GALNT17: variants seen among roughly 807,000 people sequenced by gnomAD.
The protein encoded by GALNT17 is UDP-GalNAc:polypeptide N-acetylgalactosaminyltransferase-like 3.
In GALNT17, 29 loss-of-function variants were observed where a neutral mutation model predicts 63.7. The observed-to-expected ratio is 0.46, with a 90% CI of 0.34 to 0.62. The LOEUF is 0.62. Ranked by LOEUF, GALNT17 falls within the 20% of genes least tolerant of loss-of-function variation. GALNT17 has a pLI of 0.01. For synonymous variants in GALNT17, 305 were observed against 318.3 expected (o/e 0.96, Z 0.45); for missense variants, 603 against 799.6 (o/e 0.75, Z 2.97).
At chr7:71,190,857 C>T (rs1215400369) in intron 1 of GALNT17, among the ~76,000 whole-genome samples, 1 of 152,026 alleles carries the variant, frequency 6.6e-6, no homozygotes, top group Non-Finnish European at 1.5e-5. Context: ...TCTCAAACTC[C>T]TGGGCTCAAA....
intron 6 of GALNT17, among the ~76,000 whole-genome samples, chr7:71,592,544 A>AATAAAATAAAATAGCATAGC (rs11267770): frequency 0.27 from 30,442 of 114,364 alleles, 5,117 homozygotes; most frequent in South Asian, 0.41. Context: ...AATAAAATAA[A>AATAAAATAAAATAGCATAGC]ATAGCATAGC....
At chr7:71,356,929 G>T (rs1010045864) in intron 2 of GALNT17, among the ~76,000 whole-genome samples, 1 of 151,912 alleles carries the variant, frequency 6.6e-6, no homozygotes, top group South Asian at 2.1e-4. Context: ...TTACAGGCAC[G>T]CACCACCATG....
intron 1 of GALNT17, among the ~76,000 whole-genome samples, chr7:71,297,238 C>T (rs1313500467): frequency 6.6e-6 from 1 of 152,122 alleles, no homozygotes; most frequent in Admixed American, 6.5e-5. Context: ...CAAAGCTGAT[C>T]TCATACACCA....
chr7:71,177,334 C>T (rs987823338), intron 1 of GALNT17, among the ~76,000 whole-genome samples: 11 of 152,062 alleles, frequency 7.2e-5, no homozygotes, highest in African/African-American at 1.2e-4. Flanking sequence ...GCCTGCTCCC[C>T]GGGAACCCCA....
At chr7:71,589,540 C>A (rs1789767976) in intron 6 of GALNT17, among the ~76,000 whole-genome samples, 1 of 151,904 alleles carries the variant, frequency 6.6e-6, no homozygotes, top group East Asian at 1.9e-4. Context: ...ACACTACACT[C>A]CAGCTTGGGT....
At chr7:71,254,806 C>T (rs534829337) in intron 1 of GALNT17, among the ~76,000 whole-genome samples, 2 of 152,300 alleles carry the variant, frequency 1.3e-5, no homozygotes, top group African/African-American at 4.8e-5. Flanking sequence ...CTCCAAGTCA[C>T]CCAGCAAGCT....
chr7:71,168,477 C>T (rs1045164423), intron 1 of GALNT17, among the ~76,000 whole-genome samples: 1 of 151,908 alleles, frequency 6.6e-6, no homozygotes, highest in African/African-American at 2.4e-5. Context: ...GAGGCTGAGG[C>T]AGGAGAATCT....
At chr7:71,184,917 ACCCT>A (rs1332817811) in intron 1 of GALNT17, among the ~76,000 whole-genome samples, 13 of 47,474 alleles carry the variant, frequency 2.7e-4, no homozygotes, top group African/African-American at 8.7e-4. Flanking sequence ...TCTCTAACCC[ACCCT>A]CCCTCCCTCC....
intron 6 of GALNT17, among the ~76,000 whole-genome samples, chr7:71,632,505 G>T (rs189694930): frequency 7.9e-5 from 12 of 152,296 alleles, no homozygotes; most frequent in Admixed American, 7.8e-4. Flanking sequence ...TGAGTAGAGT[G>T]ATATCTACGA....
At chr7:71,619,311 T>G (rs1367513932) in intron 6 of GALNT17, among the ~76,000 whole-genome samples, 2 of 152,248 alleles carry the variant, frequency 1.3e-5, no homozygotes, top group African/African-American at 4.8e-5. Flanking sequence ...TAGAATAGTT[T>G]ATTCTGATTC....
At chr7:71,581,600 G>T (rs919188437) in intron 6 of GALNT17, among the ~76,000 whole-genome samples, 1 of 152,114 alleles carries the variant, frequency 6.6e-6, no homozygotes, top group African/African-American at 2.4e-5. Flanking sequence ...TACAATTCAC[G>T]ATGGGATTTG....
chr7:71,712,378 G>T lies in GALNT17; in HGVS notation c.*232G>T. On this transcript the variant is annotated 3_prime_UTR_variant, in exon 11 of 11. Coordinates refer to ENST00000333538, the MANE Select transcript of GALNT17 (RefSeq NM_022479.3). ...TGGAAAAGCCCCCCACCCTTCCTCTGGGAAACTGACAGCTGTCTTCCACAG... is the reference window on the plus strand; with the variant it reads ...TGGAAAAGCCCCCCACCCTTCCTCTTGGAAACTGACAGCTGTCTTCCACAG... 2.4e-6 allele frequency: 1 copy of T among 416,418 alleles called. No individual in the cohort carries two copies. Among genetic ancestry groups the T allele is most frequent in the Admixed American group, 4.2e-5 (1 of 24,068 alleles). 25.8% of individuals were successfully genotyped at this position (416,418 alleles called of 1,614,324 possible).
At chr7:71,603,086 G>GTACTATGCTAAGTGCATATACCAGA (rs1273827554) in intron 6 of GALNT17, among the ~76,000 whole-genome samples, 161 of 150,276 alleles carry the variant, frequency 1.1e-3, no homozygotes, top group Middle Eastern at 0.011. Context: ...CATACACCAG[G>GTACTATGCTAAGTGCATATACCAGA]TACTATGCTA....
intron 6 of GALNT17, among the ~76,000 whole-genome samples, chr7:71,627,760 A>T (rs1025603520): frequency 1.2e-4 from 18 of 152,184 alleles, no homozygotes; most frequent in African/African-American, 4.1e-4. Flanking sequence ...TAACATGTAT[A>T]TTGCAACGCT....
chr7:71,295,591 A>ACCTT (rs891953572), intron 1 of GALNT17, among the ~76,000 whole-genome samples: 2 of 118,880 alleles, frequency 1.7e-5, no homozygotes, highest in African/African-American at 3.3e-5. Context: ...CTTCCTTCCT[A>ACCTT]CCTTCCTTCC....
chr7:71,680,956 A>G (rs1027438268), intron 9 of GALNT17, among the ~76,000 whole-genome samples: 1 of 148,414 alleles, frequency 6.7e-6, no homozygotes, highest in Non-Finnish European at 1.5e-5. Context: ...CTGGAGTGCA[A>G]TGGTGTGATC....
At chr7:71,197,964 G>C (rs1202651) in intron 1 of GALNT17, among the ~76,000 whole-genome samples, 19,819 of 151,976 alleles carry the variant, frequency 0.13, 1,407 homozygotes, top group East Asian at 0.24. Context: ...TTGGGAGGCC[G>C]AGGTGGGCGG....
At position 71,155,023 on chromosome 7, in the gene GALNT17, G is replaced by C. The variant is rs539839559; in HGVS notation, c.238+21983G>C. On this transcript the variant is annotated intron_variant, in intron 1 of 10. Coordinates refer to ENST00000333538, the MANE Select transcript of GALNT17 (RefSeq NM_022479.3). ...CTGTGATAACAGCCTGACTATTGCA[G>C]TGGGGGTTAGGTTGGCTAAGAATTT... Among the ~76,000 whole-genome samples the C allele has an allele frequency of 3.0e-4, 45 of 152,006 alleles. 1 individual carries two copies. In the South Asian group the frequency reaches 9.3e-3, roughly 31 times the overall value.
At chr7:71,421,365 T>C (rs1786662491) in intron 5 of GALNT17, among the ~76,000 whole-genome samples, 1 of 152,222 alleles carries the variant, frequency 6.6e-6, no homozygotes, top group African/African-American at 2.4e-5. Context: ...TGTTCACACT[T>C]CTTTATTCTT....
Sources: allele counts gnomAD v4.1 joint callset (sites outside exome capture counted in the v4.1 genomes callset), GRCh38; gene constraint gnomAD v4.1.1; transcripts MANE v1.5; gene names NCBI Gene and HGNC (gene_info 2026-07-23, HGNC 2026-07-21).